Variants in TTL observed in about 807,000 individuals in gnomAD.
The protein encoded by TTL is tubulin tyrosine ligase.
Under a neutral mutation model 41.1 loss-of-function variants are expected in TTL, and 10 were observed. The ratio of observed to expected loss-of-function variants is 0.24; its 90% CI spans 0.15 to 0.41. TTL has a LOEUF of 0.41. Among genes scored for constraint, TTL ranks in the 10% least tolerant of loss-of-function variants. TTL has a pLI of 1.00. For synonymous variants in TTL, 175 were observed against 175.5 expected (o/e 1.00, Z 0.02); for missense variants, 367 against 460.4 (o/e 0.80, Z 1.86).
At chr2:112,497,280 G>A (rs1364756922) in intron 3 of TTL, among the ~76,000 whole-genome samples, 2 of 151,932 alleles carry the variant, frequency 1.3e-5, no homozygotes, top group African/African-American at 2.4e-5. Context: ...GCCTCCCGAA[G>A]TGCTGGGATT....
At position 112,530,006 on chromosome 2, in the gene TTL, G is replaced by A. The variant is rs1459536964; in HGVS notation, c.*1211G>A. 4.4e-6 allele frequency: 1 copy of A among 229,442 alleles called. No homozygotes were observed. Among genetic ancestry groups the A allele is most frequent in the Non-Finnish European group, 8.6e-6 (1 of 115,762 alleles). The allele number at this position is 229,442 out of a possible 1,614,324, so 14.2% of individuals were successfully genotyped here. A position where few individuals can be genotyped will look rare whatever the true frequency, so the allele number is the denominator to read the frequency against. ...GAGGCCACATCACTAGCAGTAGGGAGAACAAGATGTCATTTGTGTTCAGTG... is the reference window on the plus strand; with the variant it reads ...GAGGCCACATCACTAGCAGTAGGGAAAACAAGATGTCATTTGTGTTCAGTG... On this transcript the variant is annotated 3_prime_UTR_variant, in exon 7 of 7. Coordinates refer to ENST00000233336, the MANE Select transcript of TTL (RefSeq NM_153712.5).
intron 5 of TTL, among the ~76,000 whole-genome samples, chr2:112,515,738 G>A (rs951932819): frequency 1.3e-5 from 2 of 152,156 alleles, no homozygotes; most frequent in Non-Finnish European, 2.9e-5. Flanking sequence ...ACGAGGTCAG[G>A]AGATTGAGAT....
chr2:112,485,268 T>TAA (rs1300224446), intron 1 of TTL, among the ~76,000 whole-genome samples: 1 of 152,198 alleles, frequency 6.6e-6, no homozygotes, highest in East Asian at 1.9e-4. Context: ...TTTTTATTTT[T>TAA]AATAAAAATT....
intron 5 of TTL, among the ~76,000 whole-genome samples, chr2:112,503,825 T>TA (rs1553513553): frequency 8.4e-5 from 10 of 118,852 alleles, no homozygotes; most frequent in South Asian, 2.8e-4. Flanking sequence ...TTTTTTTTTT[T>TA]ATTATACTCT....
chr2:112,522,275 A>G (rs1185751763), intron 6 of TTL: 1 of 152,398 alleles, frequency 6.6e-6, no homozygotes, highest in Admixed American at 6.5e-5. Context: ...GTTCCCATCC[A>G]TGTTCCAGTC....
At chr2:112,511,702 C>G (rs962604597) in intron 5 of TTL, among the ~76,000 whole-genome samples, 9 of 150,758 alleles carry the variant, frequency 6.0e-5, no homozygotes, top group Admixed American at 2.0e-4. Flanking sequence ...GCAGCTGGGA[C>G]TACAGGCACA....
rs4443006 is a variant in TTL, at chr2:112,537,161, A to G, written c.*8366A>G. ...AGTGGTGTGATCTGTGCTCACTGCA[A>G]CCTCCGCCTCCTGGGTTTAAGCGAT... On this transcript the variant is annotated 3_prime_UTR_variant, in exon 7 of 7. Transcript: ENST00000233336. The G allele has an allele frequency of 0.3, 44,999 of 152,122 alleles. 7,239 individuals carry two copies. The highest frequency in any genetic ancestry group is 0.61 in the East Asian group (3,132 of 5,136). 9.4% of individuals were successfully genotyped at this position (152,122 alleles called of 1,614,324 possible). A position where few individuals can be genotyped will look rare whatever the true frequency, so the allele number is the denominator to read the frequency against.
intron 1 of TTL, 49 bp from the exon 2 acceptor site, chr2:112,485,868 C>T (rs1681226445): frequency 1.3e-6 from 2 of 1,490,600 alleles, no homozygotes; most frequent in African/African-American, 2.4e-5. Context: ...GTCCTCTCTC[C>T]TGCTTGCTGT....
chr2:112,520,402 C>T lies in TTL; in HGVS notation c.996C>T (p.Val332=), dbSNP rs1559019479. Reference sequence around the variant, plus strand: ...AGCTGAAGGTGTGGCTCATTGAGGTCAACGGTGCCCCTGCATGTGCTCAGT... The same window carrying T: ...AGCTGAAGGTGTGGCTCATTGAGGTTAACGGTGCCCCTGCATGTGCTCAGT... The part of the protein sequence containing the change: ...DEELKVWLIE[V]NGAPACAQKL... The change falls in exon 6 of 7, where the codon GTC becomes GTT. Residue 332 remains valine, a synonymous_variant. Transcript: ENST00000233336. 6.2e-7 allele frequency: 1 copy of T among 1,613,990 alleles called. No individual in the cohort carries two copies. Among genetic ancestry groups the T allele is most frequent in the Non-Finnish European group, 8.5e-7 (1 of 1,180,022 alleles).
In TTL at chr2:112,482,989, C is replaced by G. The variant is rs1304419549; in HGVS notation, c.157+488C>G. ...TTGAAACCCCTGAGGCTTCTGCCCC[C>G]CGAAGGCGCGGAGGAGCGATCAGAG... On this transcript the variant is annotated intron_variant, in intron 1 of 6. Coordinates refer to ENST00000233336, the MANE Select transcript of TTL (RefSeq NM_153712.5). This position sits in a 1 kb window ranked among gnomAD's most constrained non-coding sequence, Gnocchi z 5.3. Among the ~76,000 whole-genome samples the G allele has an allele frequency of 2.6e-5, 4 of 152,228 alleles. No individual in the cohort carries two copies. In the South Asian group the frequency reaches 8.3e-4, roughly 31 times the overall value.
intron 2 of TTL, 74 bp from the exon 3 acceptor site, chr2:112,494,069 A>G: frequency 8.6e-7 from 1 of 1,160,564 alleles, no homozygotes; most frequent in Middle Eastern, 2.0e-4. Context: ...CTCTGGGGGA[A>G]AGGAGTGGCC....
chr2:112,516,104 G>A (rs776673834), intron 5 of TTL, among the ~76,000 whole-genome samples: 2 of 152,038 alleles, frequency 1.3e-5, no homozygotes, highest in African/African-American at 4.8e-5. Flanking sequence ...CCTGTTTTAT[G>A]TTCAGCTTTT....
At chr2:112,497,262 C>T (rs1681559530) in intron 3 of TTL, among the ~76,000 whole-genome samples, 1 of 152,004 alleles carries the variant, frequency 6.6e-6, no homozygotes, top group South Asian at 2.1e-4. Flanking sequence ...GTGATCTTCC[C>T]ACCTCAAGCC....
intron 3 of TTL, among the ~76,000 whole-genome samples, chr2:112,499,049 T>C (rs1203709804): frequency 6.6e-6 from 1 of 151,908 alleles, no homozygotes; most frequent in South Asian, 2.1e-4. Context: ...CCAGGCACGG[T>C]GGCTCTCGGC....
At chr2:112,513,033 G>C (rs1681965535) in intron 5 of TTL, among the ~76,000 whole-genome samples, 1 of 151,242 alleles carries the variant, frequency 6.6e-6, no homozygotes. Flanking sequence ...CCTTCTTAGA[G>C]TTAATAGTTT....
At position 112,494,849 on chromosome 2, in the gene TTL, C is replaced by T. The variant is rs569945804; in HGVS notation, c.469+474C>T. Among the ~76,000 whole-genome samples the T allele has an allele frequency of 8.7e-4, 133 of 152,170 alleles. 1 individual carries two copies. The highest frequency in any genetic ancestry group is 3.1e-3 in the African/African-American group (129 of 41,462). On this transcript the variant is annotated intron_variant, in intron 3 of 6. Coordinates refer to ENST00000233336, the MANE Select transcript of TTL (RefSeq NM_153712.5). ...GAATAGACTATTTCTTGCCGTTTCC[C>T]CTGCTTCCCCTCTAAATCAAAACCC...
intron 5 of TTL, among the ~76,000 whole-genome samples, chr2:112,519,858 C>T (rs1162561764): frequency 1.3e-5 from 2 of 152,074 alleles, no homozygotes; most frequent in Non-Finnish European, 1.5e-5. Flanking sequence ...AGGCCGGGCA[C>T]GATGGCTCGC....
At chr2:112,513,604 CAAGTAT>C (rs1489627767) in intron 5 of TTL, among the ~76,000 whole-genome samples, 10 of 147,300 alleles carry the variant, frequency 6.8e-5, no homozygotes, top group African/African-American at 2.0e-4. Context: ...AATATTTATA[CAAGTAT>C]AAGTATAAAT....
intron 5 of TTL, among the ~76,000 whole-genome samples, chr2:112,509,590 G>A (rs1277572875): frequency 6.6e-6 from 1 of 152,096 alleles, no homozygotes; most frequent in Non-Finnish European, 1.5e-5. Context: ...AGGTGCGTCT[G>A]TCACCCCTTT....
Sources: gnomAD v4.1 joint callset for allele counts (sites outside exome capture counted in the v4.1 genomes callset) on GRCh38, gnomAD v4.1.1 for gene constraint, Gnocchi (gnomAD v3.1) non-coding constraint, MANE v1.5 for transcripts, NCBI Gene and HGNC (gene_info 2026-07-23, HGNC 2026-07-21) for gene names.